The following PLCG2 variants were observed in gnomAD, a reference collection of about 807,000 sequenced individuals.
PLCG2 encodes phospholipase C gamma 2.
A neutral mutation model predicts 175.6 loss-of-function variants in PLCG2; 69 were observed. The observed-to-expected ratio is 0.39, with a 90% confidence interval of 0.32 to 0.48. The LOEUF is 0.48. PLCG2 is among the 20% of genes least tolerant of loss of function. The pLI is 0.91. For synonymous variants in PLCG2, 827 were observed against 624.0 expected (o/e 1.33, Z -4.85); for missense variants, 1,798 against 1,650.9 (o/e 1.09, Z -1.54).
intron 25 of PLCG2, among the ~76,000 whole-genome samples, chr16:81,933,078 C>T (rs1036559630): frequency 3.0e-4 from 45 of 152,254 alleles, no homozygotes; most frequent in African/African-American, 1.0e-3. Context: ...CCCTGCCTCA[C>T]ACCTCCTCTC....
At chr16:81,889,130 G>C (rs1424492778) in intron 9 of PLCG2, 42 bp from the exon 10 acceptor site, 1 of 1,196,216 alleles carries the variant, frequency 8.4e-7, no homozygotes, top group Non-Finnish European at 1.2e-6. Flanking sequence ...AATTTTATCA[G>C]TTCTCACTTT....
chr16:81,942,409 C>A (rs974273049), intron 30 of PLCG2, among the ~76,000 whole-genome samples: 3 of 152,194 alleles, frequency 2.0e-5, no homozygotes, highest in African/African-American at 4.8e-5. Flanking sequence ...TCAGCAGGGA[C>A]CTTTCCTCAC....
chr16:81,819,949 A>G (rs1308251854), intron 2 of PLCG2, among the ~76,000 whole-genome samples: 1 of 152,152 alleles, frequency 6.6e-6, no homozygotes, highest in Non-Finnish European at 1.5e-5. Context: ...ATGCAGATTC[A>G]TTCTAGAACC....
chr16:81,821,467 G>C (rs1904796244), intron 2 of PLCG2, among the ~76,000 whole-genome samples: 1 of 152,088 alleles, frequency 6.6e-6, no homozygotes, highest in African/African-American at 2.4e-5. Flanking sequence ...TTCCTCGAGG[G>C]CTCGAATGCT....
At chr16:81,900,873 C>T (rs1363201371) in intron 14 of PLCG2, 93 bp downstream of exon 14, 3 of 1,156,140 alleles carry the variant, frequency 2.6e-6, no homozygotes, top group Non-Finnish European at 3.7e-6. Flanking sequence ...CTATGTCCTA[C>T]TGGGCCTGCT....
chr16:81,910,401 G>T, intron 17 of PLCG2, 119 bp from the exon 18 acceptor site: 1 of 880,446 alleles, frequency 1.1e-6, no homozygotes, highest in Middle Eastern at 2.9e-4. Context: ...TCCTGTGTCT[G>T]TTCTAGGAGC....
At chr16:81,811,543 C>A (rs1302044048) in intron 2 of PLCG2, among the ~76,000 whole-genome samples, 1 of 152,020 alleles carries the variant, frequency 6.6e-6, no homozygotes, top group African/African-American at 2.4e-5. Context: ...TAACAGGCCC[C>A]AGTGTGTGGT....
chr16:81,943,323 T>TGGTAG (rs539437163), intron 30 of PLCG2, among the ~76,000 whole-genome samples: 126 of 152,282 alleles, frequency 8.3e-4, no homozygotes, highest in African/African-American at 3.0e-3. Flanking sequence ...TTTACAATCC[T>TGGTAG]GGTAGAAGGG....
chr16:81,865,030 G>A (rs757376899), intron 5 of PLCG2, among the ~76,000 whole-genome samples: 1 of 152,180 alleles, frequency 6.6e-6, no homozygotes, highest in Non-Finnish European at 1.5e-5. Context: ...ACTAGGGAGT[G>A]CAGGGTCATC....
In PLCG2 at chr16:81,957,909, C is replaced by T. The variant is rs1475670707; in HGVS notation, c.3756-47C>T. On this transcript the variant is annotated intron_variant, in intron 32 of 32. Transcript: ENST00000564138. The stretch of plus-strand genomic sequence containing the variant: ...AATGTTACAGAGTTCAGCACGCAGC[C>T]CATTTCTCATGGCCCACTGCTGATG... 2.6e-6 allele frequency: 4 copies of T among 1,543,580 alleles called. No homozygotes were observed. In the South Asian group the frequency reaches 3.3e-5, roughly 13 times the overall value.
intron 16 of PLCG2, among the ~76,000 whole-genome samples, chr16:81,908,171 G>A (rs1204287192): frequency 6.6e-6 from 1 of 152,186 alleles, no homozygotes; most frequent in Non-Finnish European, 1.5e-5. Context: ...GCTTTGCTGG[G>A]AACCGTTCAC....
rs374169830 is a variant in PLCG2, at chr16:81,820,512, T to TG, written c.194-33931dup. On this transcript the variant is annotated intron_variant, in intron 2 of 32. Coordinates refer to ENST00000564138, the MANE Select transcript of PLCG2 (RefSeq NM_002661.5). ...GTGTCAGTAGTTTTTCCTTTTCTGT[T>TG]GCTGAGCAGCATTCCAGTGACCGAA... Among the ~76,000 whole-genome samples, 401 of 152,406 alleles carry TG rather than the reference T, an allele frequency of 2.6e-3. 4 individuals are homozygous for TG. Among genetic ancestry groups the TG allele is most frequent in the African/African-American group, 9.3e-3 (385 of 41,598 alleles).
intron 2 of PLCG2, among the ~76,000 whole-genome samples, chr16:81,824,952 A>G (rs56134131): frequency 0.04 from 6,057 of 152,312 alleles, 171 homozygotes; most frequent in African/African-American, 0.073. Context: ...AGGAGGTCAC[A>G]GTCAGGGAGA....
chr16:81,932,609 ATTTTT>A (rs1392221979), intron 25 of PLCG2, among the ~76,000 whole-genome samples: 1 of 152,024 alleles, frequency 6.6e-6, no homozygotes, highest in Non-Finnish European at 1.5e-5. Flanking sequence ...TGGCCAGGTC[ATTTTT>A]TTCCCCTTGG....
chr16:81,839,806 T>C (rs1036058549), intron 2 of PLCG2, among the ~76,000 whole-genome samples: 1 of 152,184 alleles, frequency 6.6e-6, no homozygotes, highest in Non-Finnish European at 1.5e-5. Context: ...ATCCCAACAC[T>C]TGGGGAAACC....
At chr16:81,775,254 T>C (rs1227346968), upstream of PLCG2, among the ~76,000 whole-genome samples, 1 of 152,182 alleles carries the variant, frequency 6.6e-6, no homozygotes, top group Non-Finnish European at 1.5e-5. Flanking sequence ...TCTGCTTTCC[T>C]GGTCCTTGGC....
chr16:81,902,066 G>T (rs1351187377), intron 14 of PLCG2, among the ~76,000 whole-genome samples: 3 of 152,178 alleles, frequency 2.0e-5, no homozygotes, highest in African/African-American at 7.2e-5. Flanking sequence ...GAAGTCCAAG[G>T]GTGTCCAGGG....
intron 7 of PLCG2, among the ~76,000 whole-genome samples, chr16:81,872,360 C>T (rs569375835): frequency 2.0e-5 from 3 of 152,112 alleles, no homozygotes; most frequent in African/African-American, 7.2e-5. Context: ...ATGCAATAAT[C>T]CTCCTTTTGC....
In PLCG2 at chr16:81,895,654, A is replaced by G. The variant is rs1452110451; in HGVS notation, c.1073-153A>G. The G allele has an allele frequency of 6.7e-6, 5 of 742,760 alleles. No individual in the cohort carries two copies. In the African/African-American group the frequency reaches 7.0e-5, roughly 10 times the overall value. 46.0% of individuals were successfully genotyped at this position (742,760 alleles called of 1,614,324 possible). A position where few individuals can be genotyped will look rare whatever the true frequency, so the allele number is the denominator to read the frequency against. On this transcript the variant is annotated intron_variant, in intron 12 of 32. Transcript: ENST00000564138. ...TGTAAGCGCACAGGGAACCCTGCGGATACAGGGAAAGCCATGTCCTCGTGT... is the reference window on the plus strand; with the variant it reads ...TGTAAGCGCACAGGGAACCCTGCGGGTACAGGGAAAGCCATGTCCTCGTGT...
Sources: gnomAD v4.1 joint callset for allele counts (sites outside exome capture counted in the v4.1 genomes callset) on GRCh38, gnomAD v4.1.1 for gene constraint, MANE v1.5 for transcripts, NCBI Gene and HGNC (gene_info 2026-07-23, HGNC 2026-07-21) for gene names.